CRMP1: variants seen among roughly 807,000 people sequenced by gnomAD.
CRMP1 encodes the protein collapsin response mediator protein 1.
CRMP1 carries 19 observed loss-of-function variants against 68.3 expected under a neutral mutation model. The ratio of observed to expected loss-of-function variants is 0.28; its 90% CI spans 0.19 to 0.41. CRMP1 has a LOEUF of 0.41. Among genes scored for constraint, CRMP1 ranks in the 10% least tolerant of loss-of-function variants. The pLI is 1.00. For synonymous variants in CRMP1, 439 were observed against 399.6 expected, an observed-to-expected ratio of 1.10 and a Z score of -1.18; for missense variants, 791 against 967.4, an observed-to-expected ratio of 0.82 and a Z score of 2.42.
Position 5,887,199 on chromosome 4 carries a change from G to A in CRMP1, c.381+5390C>T, listed in dbSNP as rs554443036. Among the ~76,000 whole-genome samples the A allele has an allele frequency of 1.8e-4, 28 of 152,348 alleles. No individual in the cohort carries two copies. The South Asian group carries it at 4.3e-3, about 24-fold the overall frequency. On this transcript the variant is annotated intron_variant, in intron 1 of 13. Coordinates refer to ENST00000324989, the MANE Select transcript of CRMP1 (RefSeq NM_001014809.3). ...AATACACGGGACAGGCCACTGGCAG[G>A]TGAGTGCAAGTGTCAATACCTCCGC...
Position 5,850,025 on chromosome 4 carries a change from T to G in CRMP1, c.883-553A>C, listed in dbSNP as rs1162812734. 6.6e-6 allele frequency among the ~76,000 whole-genome samples: 1 copy of G among 152,088 alleles called. No homozygotes were observed. The highest frequency in any genetic ancestry group is 2.4e-5 in the African/African-American group (1 of 41,416). ...CAGAAAATATATAGCATGCCAACCA[T>G]CCTCTCAATTAGACAAAACAGGCCC... is the stretch of plus-strand genomic sequence containing the variant. On this transcript the variant is annotated intron_variant, in intron 5 of 13. Transcript: ENST00000324989. This position sits in a 1 kb window ranked among gnomAD's most constrained non-coding sequence, Gnocchi z 4.4.
Position 5,843,049 on chromosome 4 carries a change from C to T in CRMP1, c.1032+44G>A, listed in dbSNP as rs1469304266. The T allele has an allele frequency of 1.3e-6, 2 of 1,581,408 alleles. No individual in the cohort carries two copies. The highest frequency in any genetic ancestry group is 1.1e-5 in the South Asian group (1 of 90,252). ...CTGGAACAGCATCAAGGTGAGTGCT[C>T]AGTGGTGAGTGTCAGAGTCATGCCC... On this transcript the variant is annotated intron_variant, in intron 7 of 13. Coordinates refer to ENST00000324989, the MANE Select transcript of CRMP1 (RefSeq NM_001014809.3). The surrounding 1 kb of genome is among the most constrained non-coding windows in gnomAD (Gnocchi z 4.1).
intron 3 of CRMP1, among the ~76,000 whole-genome samples, chr4:5,857,931 C>T (rs1168444119): frequency 6.6e-6 from 1 of 152,190 alleles, no homozygotes; most frequent in Non-Finnish European, 1.5e-5. Flanking sequence ...TGCCCTGTTT[C>T]TTTGCACCCC....
At chr4:5,824,451 C>T in intron 13 of CRMP1, 1 of 985,402 alleles carries the variant, frequency 1.0e-6, no homozygotes, top group Non-Finnish European at 1.2e-6. Flanking sequence ...ATAAGAGGTT[C>T]TGCCACCACA....
chr4:5,863,052 G>C (rs1252329166), intron 2 of CRMP1, among the ~76,000 whole-genome samples: 2 of 151,624 alleles, frequency 1.3e-5, no homozygotes, highest in African/African-American at 4.8e-5. Context: ...AGCTCAAGGA[G>C]TCCTCCTGCC....
intron 1 of CRMP1, among the ~76,000 whole-genome samples, chr4:5,885,062 T>C (rs766770785): frequency 6.6e-6 from 1 of 151,566 alleles, no homozygotes; most frequent in Non-Finnish European, 1.5e-5. Context: ...GAGCTAAGTG[T>C]TTCTGCTTTT....
intron 13 of CRMP1, among the ~76,000 whole-genome samples, chr4:5,823,006 A>G (rs563799637): frequency 4.6e-5 from 7 of 152,194 alleles, no homozygotes; most frequent in African/African-American, 1.7e-4. Flanking sequence ...TTTCTAATAC[A>G]TCTGACTTTC....
chr4:5,829,842 A>G (rs1720229574), intron 11 of CRMP1, among the ~76,000 whole-genome samples: 1 of 152,234 alleles, frequency 6.6e-6, no homozygotes, highest in Non-Finnish European at 1.5e-5. Context: ...CTGCTGAAAC[A>G]GACTTTGCAT....
intron 13 of CRMP1, chr4:5,824,190 A>G: frequency 1.9e-6 from 1 of 516,338 alleles, no homozygotes; most frequent in Non-Finnish European, 2.5e-6. Flanking sequence ...ACAGTGGTCC[A>G]GTTTGCAAAC....
Position 5,851,411 on chromosome 4 carries a change from G to A in CRMP1, c.879C>T (p.Ser293=). Residue 293 remains serine (S), a synonymous_variant, in exon 5 of 14, where the codon AGC becomes AGT. Coordinates refer to ENST00000324989, the MANE Select transcript of CRMP1 (RefSeq NM_001014809.3). ...AGAGTGAGTGTGAGGGACCTACCTG[G>A]CTGTCGGACATTTGGTAGACATCCT... ...AYKDVYQMSD[S]QLYEAFTFLK... 6.2e-7 allele frequency: 1 copy of A among 1,614,046 alleles called. No homozygotes were observed. The highest frequency in any genetic ancestry group is 8.5e-7 in the Non-Finnish European group (1 of 1,179,890).
In CRMP1 at chr4:5,859,394, G is replaced by A. The variant is rs1210647755; in HGVS notation, c.655+1632C>T. Among the ~76,000 whole-genome samples, 2 of 152,156 alleles carry A rather than the reference G, an allele frequency of 1.3e-5. No individual in the cohort carries two copies. The highest frequency in any genetic ancestry group is 2.4e-5 in the African/African-American group (1 of 41,448). The stretch of plus-strand genomic sequence containing the variant: ...TGGAGAAAAGCAGGGGACATCCCAG[G>A]AACCCTGGCTCCTCATCCAGTACTC... On this transcript the variant is annotated intron_variant, in intron 3 of 13. Coordinates refer to ENST00000324989, the MANE Select transcript of CRMP1 (RefSeq NM_001014809.3). This position sits in a 1 kb window ranked among gnomAD's most constrained non-coding sequence, Gnocchi z 5.2.
chr4:5,839,746 A>G, intron 8 of CRMP1, 68 bp from the exon 9 acceptor site: 2 of 1,496,194 alleles, frequency 1.3e-6, no homozygotes, highest in Non-Finnish European at 9.0e-7. Context: ...CAAAGGCACA[A>G]AATTGGAAGA....
Position 5,839,505 on chromosome 4 carries a change from G to C in CRMP1, c.1310+17C>G. On this transcript the variant is annotated intron_variant, in intron 9 of 13. Coordinates refer to ENST00000324989, the MANE Select transcript of CRMP1 (RefSeq NM_001014809.3). ...CCCCAGCTGCCTCCCCCAGCCCCAC[G>C]TTCTCACAGGTCTCACCAGGCCAGT... 3 of 1,596,944 alleles carry C rather than the reference G, an allele frequency of 1.9e-6. No individual in the cohort carries two copies. Among genetic ancestry groups the C allele is most frequent in the Non-Finnish European group, 2.6e-6 (3 of 1,171,838 alleles).
In CRMP1 at chr4:5,825,382, T is replaced by G; in HGVS notation, c.1969+112A>C. On this transcript the variant is annotated intron_variant, in intron 13 of 13. Transcript: ENST00000324989. The surrounding 1 kb of genome is among the most constrained non-coding windows in gnomAD (Gnocchi z 4.4). ...CTCGGGTGGGGCACACTCCCTTCCC[T>G]GCTTCTTCATCTAGTGTCCAAGGCC... 1 of 1,463,966 alleles carries G rather than the reference T, an allele frequency of 6.8e-7. No homozygotes were observed. The highest frequency in any genetic ancestry group is 9.0e-7 in the Non-Finnish European group (1 of 1,115,180). 90.7% of individuals were successfully genotyped at this position (1,463,966 alleles called of 1,614,324 possible). A position where few individuals can be genotyped will look rare whatever the true frequency, so the allele number is the denominator to read the frequency against.
intron 6 of CRMP1, among the ~76,000 whole-genome samples, chr4:5,846,676 C>T (rs1162256984): frequency 4.0e-5 from 6 of 151,512 alleles, no homozygotes; most frequent in Admixed American, 1.3e-4. Flanking sequence ...CTGCAACCTC[C>T]ACCTCCCACA....
chr4:5,824,627 T>G (rs186761610), intron 13 of CRMP1: 11 of 950,324 alleles, frequency 1.2e-5, no homozygotes, highest in Non-Finnish European at 1.4e-5. Context: ...GAGAATAGTT[T>G]GTACATTTTC....
chr4:5,891,769 C>T lies in CRMP1; in HGVS notation c.381+820G>A, dbSNP rs1423459910. On this transcript the variant is annotated intron_variant, in intron 1 of 13. Coordinates refer to ENST00000324989, the MANE Select transcript of CRMP1 (RefSeq NM_001014809.3). This position sits in a 1 kb window ranked among gnomAD's most constrained non-coding sequence, Gnocchi z 5.2. Reference sequence around the variant, plus strand: ...CGCCGTCCATCCGCCCTTCTTCCCCCAGTTTCCTGGTGACCCCCAGCTCAA... The same window carrying T: ...CGCCGTCCATCCGCCCTTCTTCCCCTAGTTTCCTGGTGACCCCCAGCTCAA... Among the ~76,000 whole-genome samples the T allele has an allele frequency of 2.0e-5, 3 of 152,232 alleles. No homozygotes were observed.
intron 6 of CRMP1, among the ~76,000 whole-genome samples, chr4:5,848,094 T>C (rs7675861): frequency 0.17 from 25,311 of 151,930 alleles, 2,421 homozygotes; most frequent in African/African-American, 0.26. Flanking sequence ...ATCTCCTCTC[T>C]TCATTTCTTA....
chr4:5,828,933 T>C (rs937238738), intron 11 of CRMP1, among the ~76,000 whole-genome samples: 2 of 144,606 alleles, frequency 1.4e-5, no homozygotes, highest in African/African-American at 2.9e-5. Flanking sequence ...AGGAAGGGGG[T>C]CCCCCGGGGT....
Sources: gnomAD v4.1 joint callset for allele counts (sites outside exome capture counted in the v4.1 genomes callset) on GRCh38, gnomAD v4.1.1 for gene constraint, Gnocchi (gnomAD v3.1) non-coding constraint, MANE v1.5 for transcripts, NCBI Gene and HGNC (gene_info 2026-07-23, HGNC 2026-07-21) for gene names.